Variants in CREB5 observed in about 807,000 individuals in gnomAD.
The protein encoded by CREB5 is cyclic AMP-responsive element-binding protein 5.
Under a neutral mutation model 57.1 loss-of-function variants are expected in CREB5, and 19 were observed. The observed-to-expected ratio is 0.33, with a 90% CI of 0.23 to 0.49. The LOEUF (loss-of-function observed/expected upper bound fraction) is 0.49, where lower values mean the gene tolerates loss of function less well. Ranked by LOEUF, CREB5 falls within the 20% of genes least tolerant of loss-of-function variation. CREB5 has a pLI of 0.99. For missense variants in CREB5, 579 were observed against 671.6 expected (o/e 0.86, Z 1.52); for synonymous variants, 238 against 238.3 (o/e 1.00, Z 0.01).
chr7:28,386,511 CTTA>C (rs1340488523), intron 1 of CREB5, among the ~76,000 whole-genome samples: 2 of 152,094 alleles, frequency 1.3e-5, no homozygotes, highest in Admixed American at 1.3e-4. Context: ...GTGTGAATTT[CTTA>C]TTATTTATAC....
intron 3 of CREB5, among the ~76,000 whole-genome samples, chr7:28,506,025 A>G (rs752493737): frequency 9.9e-5 from 15 of 152,180 alleles, no homozygotes; most frequent in Non-Finnish European, 1.9e-4. Flanking sequence ...TGTGAAATGC[A>G]AGGAGCTCAG....
chr7:28,548,522 T>A (rs1239807428), intron 4 of CREB5, among the ~76,000 whole-genome samples: 1 of 152,186 alleles, frequency 6.6e-6, no homozygotes, highest in Non-Finnish European at 1.5e-5. Flanking sequence ...ATTAGGGCAT[T>A]GATGGGGCCA....
At chr7:28,796,937 A>G (rs1583766433) in intron 7 of CREB5, among the ~76,000 whole-genome samples, 1 of 152,108 alleles carries the variant, frequency 6.6e-6, no homozygotes, top group Non-Finnish European at 1.5e-5. Context: ...TAAAATGCTC[A>G]CCCTCCTGCT....
In CREB5 at chr7:28,346,595, C is replaced by A. The variant is rs966926953; in HGVS notation, c.-25+47154C>A. Among the ~76,000 whole-genome samples the A allele has an allele frequency of 7.2e-5, 11 of 152,352 alleles. No individual in the cohort carries two copies. The East Asian group carries it at 1.5e-3, about 21-fold the overall frequency. ...ACTCCATGGGGAAACTTGAGAGAACCCCTCAGAATTGCCCTGAGTTAGGGG... is the reference window on the plus strand; with the variant it reads ...ACTCCATGGGGAAACTTGAGAGAACACCTCAGAATTGCCCTGAGTTAGGGG... On this transcript the variant is annotated intron_variant, in intron 1 of 9. Coordinates refer to the CREB5 transcript ENST00000396299.
intron 5 of CREB5, among the ~76,000 whole-genome samples, chr7:28,643,624 T>G (rs1798768136): frequency 6.6e-6 from 1 of 152,194 alleles, no homozygotes; most frequent in Non-Finnish European, 1.5e-5. Context: ...CAGGTTGTTA[T>G]GAGATTAAAT....
chr7:28,367,270 G>A (rs543953015), intron 1 of CREB5, among the ~76,000 whole-genome samples: 60 of 152,172 alleles, frequency 3.9e-4, no homozygotes, highest in African/African-American at 1.3e-3. Flanking sequence ...GCTCAGAGTC[G>A]TACATACAAC....
intron 7 of CREB5, among the ~76,000 whole-genome samples, chr7:28,758,871 T>A (rs948787711): frequency 5.3e-5 from 8 of 150,428 alleles, no homozygotes; most frequent in African/African-American, 1.7e-4. Context: ...CCTAATTAGT[T>A]TTGTTAGTTG....
intron 5 of CREB5, among the ~76,000 whole-genome samples, chr7:28,644,547 T>C (rs1798815442): frequency 6.7e-6 from 1 of 148,918 alleles, no homozygotes; most frequent in African/African-American, 2.6e-5. Context: ...CAAAGAACAT[T>C]ATCTGTGAAT....
chr7:28,735,700 A>G (rs1372217725), intron 7 of CREB5, among the ~76,000 whole-genome samples: 2 of 152,210 alleles, frequency 1.3e-5, no homozygotes, highest in Non-Finnish European at 1.5e-5. Flanking sequence ...TATAGTTGCT[A>G]GAAAATATCT....
intron 7 of CREB5, among the ~76,000 whole-genome samples, chr7:28,803,790 A>G (rs10242591): frequency 0.84 from 124,641 of 149,136 alleles, 53,059 homozygotes; most frequent in African/African-American, 0.93. Context: ...TAAATACAGT[A>G]GCACACCAGA....
At chr7:28,570,154 C>T (rs973453560) in intron 4 of CREB5, among the ~76,000 whole-genome samples, 11 of 152,204 alleles carry the variant, frequency 7.2e-5, no homozygotes, top group Non-Finnish European at 1.2e-4. Context: ...AAGGCATTTT[C>T]TCACATGCTT....
chr7:28,782,051 G>A lies in CREB5; in HGVS notation c.703-22148G>A, dbSNP rs140289607. ...GTAGCTGGGATTACAGGCATGCACC[G>A]CCTGCCTGTAATCCCAGGCAATCCC... On this transcript the variant is annotated intron_variant, in intron 7 of 10. Transcript: ENST00000357727. 6.6e-3 allele frequency among the ~76,000 whole-genome samples: 994 copies of A among 150,802 alleles called. 12 individuals carry two copies. The highest frequency in any genetic ancestry group is 0.023 in the African/African-American group (927 of 41,058).
chr7:28,347,574 C>A (rs1175196500), intron 1 of CREB5, among the ~76,000 whole-genome samples: 2 of 152,136 alleles, frequency 1.3e-5, no homozygotes, highest in African/African-American at 4.8e-5. Flanking sequence ...TTTTCTAATT[C>A]TTAGAGTGTC....
chr7:28,592,728 G>T (rs1340293167), intron 5 of CREB5, among the ~76,000 whole-genome samples: 2 of 152,146 alleles, frequency 1.3e-5, no homozygotes, highest in Non-Finnish European at 2.9e-5. Flanking sequence ...TCTACAAAAG[G>T]GTCACCAAGA....
At chr7:28,345,135 C>T (rs1786019425) in intron 1 of CREB5, among the ~76,000 whole-genome samples, 2 of 152,158 alleles carry the variant, frequency 1.3e-5, no homozygotes, top group Admixed American at 1.3e-4. Context: ...AATACTGGAA[C>T]TGGACTACAC....
upstream of CREB5, among the ~76,000 whole-genome samples, chr7:28,408,600 A>C (rs1443575821): frequency 1.3e-5 from 2 of 152,152 alleles, no homozygotes; most frequent in African/African-American, 4.8e-5. Context: ...CGCCGTGTCT[A>C]AATCAGGCTC....
intron 5 of CREB5, among the ~76,000 whole-genome samples, chr7:28,626,690 T>C (rs1425467996): frequency 6.6e-6 from 1 of 152,170 alleles, no homozygotes; most frequent in Non-Finnish European, 1.5e-5. Flanking sequence ...GATCGTCCTC[T>C]TTAGCCAGGG....
At chr7:28,733,975 T>G (rs1199755531) in intron 7 of CREB5, among the ~76,000 whole-genome samples, 1 of 152,050 alleles carries the variant, frequency 6.6e-6, no homozygotes, top group Non-Finnish European at 1.5e-5. Flanking sequence ...GATAAGTAGG[T>G]GGGATAGAGA....
intron 4 of CREB5, among the ~76,000 whole-genome samples, chr7:28,513,132 A>T (rs1444753526): frequency 6.6e-6 from 1 of 152,226 alleles, no homozygotes; most frequent in African/African-American, 2.4e-5. Context: ...AAGGTGCGGA[A>T]GGAGAGGCAC....
Sources: gnomAD v4.1 joint callset for allele counts (sites outside exome capture counted in the v4.1 genomes callset) on GRCh38, gnomAD v4.1.1 for gene constraint, MANE v1.5 for transcripts, NCBI Gene and HGNC (gene_info 2026-07-23, HGNC 2026-07-21) for gene names.